ARHGEF16: variants seen among roughly 807,000 people sequenced by gnomAD.
ARHGEF16 encodes the protein Rho guanine nucleotide exchange factor 16, also known as Rho guanine exchange factor (GEF) 16.
A neutral mutation model predicts 74.1 loss-of-function variants in ARHGEF16; 59 were observed. The observed-to-expected ratio is 0.80, with a 90% CI of 0.65 to 0.99. ARHGEF16 has a LOEUF of 0.99. ARHGEF16 is among the 50% of genes least tolerant of loss of function. The pLI is 0.00. For synonymous variants in ARHGEF16, 415 were observed against 412.6 expected (o/e 1.01, Z -0.07); for missense variants, 948 against 986.6 (o/e 0.96, Z 0.52).
At chr1:3,458,343 G>A (rs942676484) in intron 1 of ARHGEF16, among the ~76,000 whole-genome samples, 27 of 152,222 alleles carry the variant, frequency 1.8e-4, no homozygotes, top group African/African-American at 6.0e-4. Flanking sequence ...ACTGGCCCAC[G>A]TGGCTGCTGC....
chr1:3,459,954 C>T (rs963651510), intron 1 of ARHGEF16, among the ~76,000 whole-genome samples: 14 of 152,196 alleles, frequency 9.2e-5, no homozygotes, highest in Admixed American at 6.5e-5. Context: ...CAGTGGCCTC[C>T]GGGGATCAGG....
intron 6 of ARHGEF16, chr1:3,472,770 C>T: frequency 3.0e-6 from 1 of 332,332 alleles, no homozygotes; most frequent in East Asian, 6.0e-5. Context: ...ATGGGCCCGC[C>T]TTTGGGGACA....
In ARHGEF16 at chr1:3,480,478, G is replaced by A; in HGVS notation, c.2021G>A (p.Gly674Glu). 1 of 1,612,586 alleles carries A rather than the reference G, an allele frequency of 6.2e-7. No homozygotes were observed. The highest frequency in any genetic ancestry group is 8.5e-7 in the Non-Finnish European group (1 of 1,179,932). Residue 674 changes from glycine (G) to glutamate (E), a missense_variant, in exon 15 of 15, where the codon GGA becomes GAA. Physicochemically the swap from Gly to Glu is moderately conservative, Grantham distance 98. Transcript: ENST00000378378. ...CTCTATGGCGAGAGGCTCCGGGACG[G>A]AGAGACGGGATGGTTCCCCGAGGAC... ...GWLYGERLRDGETGWFPEDFA... is the reference protein window; with the variant it reads ...GWLYGERLRDEETGWFPEDFA...
intron 10 of ARHGEF16, among the ~76,000 whole-genome samples, chr1:3,477,031 C>G (rs540985661): frequency 6.6e-6 from 1 of 151,996 alleles, no homozygotes; most frequent in Admixed American, 6.5e-5. Context: ...CTCTCACCCC[C>G]ACATGGTCTT....
At chr1:3,463,923 G>A (rs751824230) in intron 2 of ARHGEF16, among the ~76,000 whole-genome samples, 2 of 152,206 alleles carry the variant, frequency 1.3e-5, no homozygotes, top group South Asian at 2.1e-4. Context: ...TGGTGTCCCC[G>A]CTCCCAGCCT....
intron 6 of ARHGEF16, chr1:3,471,630 T>C: frequency 8.4e-7 from 1 of 1,184,638 alleles, no homozygotes; most frequent in Non-Finnish European, 1.1e-6. Context: ...CTCTGTGTCC[T>C]CCGGTCCCCT....
rs1228927243 is a variant in ARHGEF16, at chr1:3,469,522, G to A, written c.951G>A (p.Arg317=). ...VEEFLQSKEL[R]ATVTQMEHHH... is the part of the protein sequence containing the mutation. ...AGTTCCTGCAGTCCAAGGAGCTGCG[G>A]GCGACCGTGACCCAGATGGAGCACC... Residue 317 remains arginine (R), a synonymous_variant, in exon 6 of 15, where the codon CGG becomes CGA. Coordinates refer to ENST00000378378, the MANE Select transcript of ARHGEF16 (RefSeq NM_014448.4). 6.2e-7 allele frequency: 1 copy of A among 1,613,194 alleles called. No individual in the cohort carries two copies.
chr1:3,467,371 G>A, intron 4 of ARHGEF16, 34 bp downstream of exon 4: 1 of 1,529,176 alleles, frequency 6.5e-7, no homozygotes, highest in Non-Finnish European at 8.8e-7. Flanking sequence ...CTGCCCCACA[G>A]AGGCAGGGAG....
chr1:3,470,671 G>A (rs1198331118), intron 6 of ARHGEF16, among the ~76,000 whole-genome samples: 1 of 148,684 alleles, frequency 6.7e-6, no homozygotes, highest in Non-Finnish European at 1.5e-5. Flanking sequence ...ATGTATGTGA[G>A]TAGGTGTGTG....
At chr1:3,469,028 C>A in intron 5 of ARHGEF16, 92 bp downstream of exon 5, 1 of 1,457,848 alleles carries the variant, frequency 6.9e-7, no homozygotes, top group Non-Finnish European at 9.4e-7. Flanking sequence ...ACCACCCAGC[C>A]ATCCCTCTGC....
intron 8 of ARHGEF16, 186 bp downstream of exon 8, chr1:3,473,708 C>A (rs1639804512): frequency 2.1e-6 from 2 of 969,268 alleles, no homozygotes; most frequent in African/African-American, 3.3e-5. Context: ...CCGCCACCCA[C>A]AGAGCTCACT....
intron 4 of ARHGEF16, 100 bp from the exon 5 acceptor site, chr1:3,468,779 TC>T: frequency 7.3e-7 from 1 of 1,376,218 alleles, no homozygotes; most frequent in Non-Finnish European, 1.0e-6. Flanking sequence ...GGGGTGGCTG[TC>T]CATGTTGGCC....
At chr1:3,455,258 T>TCCC (rs1639240453) in intron 1 of ARHGEF16, among the ~76,000 whole-genome samples, 1 of 151,404 alleles carries the variant, frequency 6.6e-6, no homozygotes, top group Non-Finnish European at 1.5e-5. Context: ...GGGAGCTCTT[T>TCCC]GGGGAATCTG....
intron 3 of ARHGEF16, 121 bp downstream of exon 3, chr1:3,466,314 A>G (rs1013470659): frequency 6.4e-6 from 7 of 1,089,066 alleles, no homozygotes; most frequent in African/African-American, 4.8e-5. Flanking sequence ...GCTGCTTGAC[A>G]GGGTCCTTCC....
At chr1:3,456,616 A>G (rs1639272249) in intron 1 of ARHGEF16, among the ~76,000 whole-genome samples, 1 of 152,122 alleles carries the variant, frequency 6.6e-6, no homozygotes, top group South Asian at 2.1e-4. Context: ...GAAAATACCC[A>G]CCTTCCAGAA....
rs1297293607 is a variant in ARHGEF16, at chr1:3,466,197, A to C, written c.634+4A>C. 6.5e-7 allele frequency: 1 copy of C among 1,540,614 alleles called. No individual in the cohort carries two copies. The highest frequency in any genetic ancestry group is 2.0e-5 in the Admixed American group (1 of 49,006). On this transcript the variant is annotated splice_donor_region_variant and intron_variant, in intron 3 of 14. Coordinates refer to ENST00000378378, the MANE Select transcript of ARHGEF16 (RefSeq NM_014448.4). Reference sequence around the variant, plus strand: ...CACAAGGGTTCCTTCAAGGACGGTGAGTGTGGCTTCGGGAGGCACCGCGGG... The same window carrying C: ...CACAAGGGTTCCTTCAAGGACGGTGCGTGTGGCTTCGGGAGGCACCGCGGG...
chr1:3,468,939 A>G lies in ARHGEF16; in HGVS notation c.861+3A>G. 3 of 1,549,966 alleles carry G rather than the reference A, an allele frequency of 1.9e-6. No homozygotes were observed. Among genetic ancestry groups the G allele is most frequent in the Non-Finnish European group, 2.6e-6 (3 of 1,146,756 alleles). On this transcript the variant is annotated splice_donor_region_variant and intron_variant, in intron 5 of 14. Transcript: ENST00000378378. ...CTGAGGAGCGGAAAAGGCAGGAGGT[A>G]AAAGGGCCCTGGGCGGGAGGGCTGT...
chr1:3,458,751 G>A (rs942292647), intron 1 of ARHGEF16, among the ~76,000 whole-genome samples: 8 of 152,222 alleles, frequency 5.3e-5, no homozygotes, highest in African/African-American at 1.7e-4. Context: ...TGGCAGGGGC[G>A]CAGCTCCAGC....
intron 1 of ARHGEF16, 126 bp downstream of exon 1, chr1:3,454,937 C>G (rs1639231143): frequency 6.6e-6 from 1 of 152,106 alleles, no homozygotes; most frequent in Non-Finnish European, 1.5e-5. Context: ...GCTTTTCCCG[C>G]AAGCCCCGCC....
Sources: gnomAD v4.1 joint callset for allele counts (sites outside exome capture counted in the v4.1 genomes callset) on GRCh38, gnomAD v4.1.1 for gene constraint, MANE v1.5 for transcripts, NCBI Gene and HGNC (gene_info 2026-07-23, HGNC 2026-07-21) for gene names.